Variants in SCN10A observed in about 807,000 individuals in gnomAD.
SCN10A encodes sodium channel protein type 10 subunit alpha.
A neutral mutation model predicts 170.7 loss-of-function variants in SCN10A; 162 were observed. That is an observed-to-expected ratio of 0.95 (90% CI 0.84 to 1.08). SCN10A has a LOEUF of 1.08. Among genes scored for constraint, SCN10A ranks in the 50% least tolerant of loss-of-function variants. SCN10A has a pLI of 0.00. For synonymous variants in SCN10A, 985 were observed against 904.6 expected (o/e 1.09, Z -1.59); for missense variants, 2,527 against 2,436.9 (o/e 1.04, Z -0.78).
At chr3:38,718,622 A>C (rs763148676) in intron 21 of SCN10A, 31 bp downstream of exon 21, 2 of 1,611,926 alleles carry the variant, frequency 1.2e-6, no homozygotes, top group Non-Finnish European at 1.7e-6. Context: ...GGAGGACCCC[A>C]AACCCCACGT....
chr3:38,722,310 C>G lies in SCN10A; in HGVS notation c.3455G>C (p.Ser1152Thr). ...GAAGATGATGAAGCTCTCAAACCAGCTGTGCTCCACGATACGGTAGCAAGT... is the reference window on the plus strand; with the variant it reads ...GAAGATGATGAAGCTCTCAAACCAGGTGTGCTCCACGATACGGTAGCAAGT... ...RKTCYRIVEHSWFESFIIFMI... is the reference protein window; with the variant it reads ...RKTCYRIVEHTWFESFIIFMI... Residue 1152 changes from serine (S) to threonine (T), a missense_variant, in exon 20 of 28, where the codon AGC becomes ACC. Transcript: ENST00000449082. 1 of 1,614,138 alleles carries G rather than the reference C, an allele frequency of 6.2e-7. No homozygotes were observed. Among genetic ancestry groups the G allele is most frequent in the South Asian group, 1.1e-5 (1 of 91,078 alleles).
chr3:38,702,254 CT>C, intron 26 of SCN10A, 145 bp from the exon 27 acceptor site: 1 of 836,504 alleles, frequency 1.2e-6, no homozygotes, highest in Non-Finnish European at 1.7e-6. Flanking sequence ...CAAAATTTCA[CT>C]TTTAGTTGAC....
intron 21 of SCN10A, among the ~76,000 whole-genome samples, chr3:38,715,744 C>T (rs6794914): frequency 0.22 from 32,895 of 152,102 alleles, 3,816 homozygotes; most frequent in African/African-American, 0.29. Context: ...ATACTAATTG[C>T]CCCCAGCAGT....
chr3:38,764,793 C>T (rs566545229), intron 5 of SCN10A, among the ~76,000 whole-genome samples: 5 of 152,104 alleles, frequency 3.3e-5, no homozygotes, highest in South Asian at 2.1e-4. Flanking sequence ...ATCTCCATAA[C>T]GTTTTCCTTA....
In SCN10A at chr3:38,752,307, T is replaced by A. The variant is rs1423285355; in HGVS notation, c.1667A>T (p.Gln556Leu). Residue 556 changes from glutamine to leucine, a missense_variant, in exon 12 of 28, where the codon CAA (glutamine) becomes CTA (leucine). By Grantham distance (113) the Gln-to-Leu change is moderately radical. Transcript: ENST00000449082. ...QGPLPRSPLP[Q>L]PSNPDSRHGE... ...ATGCCTGGAGTCAGGGTTGCTGGGT[T>A]GAGGAAGAGGGCTTCTAGGGAGGGG... is the stretch of plus-strand genomic sequence containing the variant. 19 of 1,609,762 alleles carry A rather than the reference T, an allele frequency of 1.2e-5. No homozygotes were observed. The highest frequency in any genetic ancestry group is 1.5e-5 in the Non-Finnish European group (18 of 1,178,162).
At chr3:38,745,307 C>T (rs536690468) in intron 13 of SCN10A, among the ~76,000 whole-genome samples, 21 of 152,260 alleles carry the variant, frequency 1.4e-4, no homozygotes, top group African/African-American at 3.8e-4. Context: ...CATCCTGTTA[C>T]GCTTAAAGAG....
At chr3:38,750,238 C>CA in intron 12 of SCN10A, 54 bp from the exon 13 acceptor site, 1 of 1,021,432 alleles carries the variant, frequency 9.8e-7, no homozygotes, top group Admixed American at 1.9e-5. Flanking sequence ...ATCTTCATGG[C>CA]AAAGTTGGAT....
rs1180087699 is a variant in SCN10A, at chr3:38,742,275, C to A, written c.2106+16G>T. ...CCGACCACGCCAGTGAGGGCAGTAC[C>A]AGCCAGAGCACTCACGATGTTGCCT... On this transcript the variant is annotated intron_variant, in intron 14 of 27. Transcript: ENST00000449082. 6.2e-7 allele frequency: 1 copy of A among 1,600,948 alleles called. No homozygotes were observed. The highest frequency in any genetic ancestry group is 1.3e-5 in the African/African-American group (1 of 74,586).
At position 38,750,021 on chromosome 3, in the gene SCN10A, A is replaced by G. The variant is rs564232803; in HGVS notation, c.1867+52T>C. ...TAGAGACATTGCTTCTGCTGCTCACATGGGAATTCATCATGACACAGTGGA... is the reference window on the plus strand; with the variant it reads ...TAGAGACATTGCTTCTGCTGCTCACGTGGGAATTCATCATGACACAGTGGA... On this transcript the variant is annotated intron_variant, in intron 13 of 27. Transcript: ENST00000449082. 3.6e-5 allele frequency: 36 copies of G among 1,003,316 alleles called. No individual in the cohort carries two copies. The South Asian group carries it at 4.6e-4, about 13-fold the overall frequency. 62.2% of individuals were successfully genotyped at this position (1,003,316 alleles called of 1,614,324 possible).
intron 1 of SCN10A, among the ~76,000 whole-genome samples, chr3:38,800,818 G>A (rs2064366531): frequency 6.6e-6 from 1 of 152,054 alleles, no homozygotes; most frequent in Non-Finnish European, 1.5e-5. Context: ...TGAGATTTCT[G>A]GGCTACAAGA....
chr3:38,809,514 G>T (rs2064426258), intron 1 of SCN10A, among the ~76,000 whole-genome samples: 1 of 152,180 alleles, frequency 6.6e-6, no homozygotes, highest in Admixed American at 6.5e-5. Flanking sequence ...ATCAGTAGTT[G>T]CCAATAGCCT....
chr3:38,792,002 G>A, intron 3 of SCN10A, 48 bp downstream of exon 3: 1 of 1,605,314 alleles, frequency 6.2e-7, no homozygotes, highest in Non-Finnish European at 8.5e-7. Context: ...GACACAGTAG[G>A]CAAGGTCTAA....
At chr3:38,722,451 G>A in intron 19 of SCN10A, 39 bp from the exon 20 acceptor site, 1 of 1,594,828 alleles carries the variant, frequency 6.3e-7, no homozygotes, top group Non-Finnish European at 8.5e-7. Context: ...GATGGCCAGT[G>A]GGCAAAGGGG....
chr3:38,755,765 G>C, intron 11 of SCN10A, 23 bp downstream of exon 11: 1 of 1,612,174 alleles, frequency 6.2e-7, no homozygotes, highest in Non-Finnish European at 8.5e-7. Context: ...GTAATCTTTA[G>C]AGCACAAACC....
Position 38,757,169 on chromosome 3 carries a change from G to A in SCN10A, c.951-10C>T. The A allele has an allele frequency of 1.3e-6, 2 of 1,585,842 alleles. No homozygotes were observed. Among genetic ancestry groups the A allele is most frequent in the South Asian group, 1.2e-5 (1 of 85,586 alleles). On this transcript the variant is annotated splice_polypyrimidine_tract_variant and intron_variant, in intron 8 of 27. Transcript: ENST00000449082. ...ACCATCAGGGCAGTGGCTGCAGCAA[G>A]AACAGAGAAGGTCATCCCCTGCTTA... is the stretch of plus-strand genomic sequence containing the variant.
chr3:38,705,377 T>A (rs1042898466), intron 26 of SCN10A, among the ~76,000 whole-genome samples: 1 of 152,192 alleles, frequency 6.6e-6, no homozygotes, highest in African/African-American at 2.4e-5. Context: ...GAATTGGTTA[T>A]GAGGTTTCAC....
At chr3:38,750,011 T>TA (rs2063730620) in intron 13 of SCN10A, 62 bp downstream of exon 13, 3 of 904,474 alleles carry the variant, frequency 3.3e-6, no homozygotes, top group African/African-American at 1.6e-5. Flanking sequence ...ACATTGCTTC[T>TA]GCTGCTCACA....
chr3:38,700,874 G>A (rs1158676054), intron 27 of SCN10A, among the ~76,000 whole-genome samples: 1 of 152,154 alleles, frequency 6.6e-6, no homozygotes, highest in East Asian at 1.9e-4. Flanking sequence ...AGGTGAAGCT[G>A]GTGAGCATGA....
rs868612986 is a variant in SCN10A, at chr3:38,713,975, G to A, written c.3787C>T (p.Arg1263Ter). ...RALRPLRALS[R>*]FEGMRVVVDA... ...AGACTTACCCGCATGCCTTCAAATCGAGAAAGAGCCCGCAGTGGCCGCAGA... is the reference window on the plus strand; with the variant it reads ...AGACTTACCCGCATGCCTTCAAATCAAGAAAGAGCCCGCAGTGGCCGCAGA... The change falls in exon 22 of 28, where the codon CGA becomes TGA. Residue 1263 changes from arginine (R) to a stop codon, truncating the protein, a stop_gained. Coordinates refer to ENST00000449082, the MANE Select transcript of SCN10A (RefSeq NM_006514.4). LOFTEE classifies it high-confidence loss of function. 36 of 1,613,618 alleles carry A rather than the reference G, an allele frequency of 2.2e-5. No individual in the cohort carries two copies. Among genetic ancestry groups the A allele is most frequent in the Middle Eastern group, 3.5e-4 (2 of 5,694 alleles).
Sources: gnomAD v4.1 joint callset for allele counts (sites outside exome capture counted in the v4.1 genomes callset) on GRCh38, gnomAD v4.1.1 for gene constraint, MANE v1.5 for transcripts, NCBI Gene and HGNC (gene_info 2026-07-23, HGNC 2026-07-21) for gene names.